Variants in CBLB observed in about 807,000 individuals in gnomAD.
CBLB encodes E3 ubiquitin-protein ligase CBL-B.
Under a neutral mutation model 104.9 loss-of-function variants are expected in CBLB, and 31 were observed. The ratio of observed to expected loss-of-function variants is 0.30; its 90% confidence interval spans 0.22 to 0.40. The LOEUF (loss-of-function observed/expected upper bound fraction) is 0.40. Among genes scored for constraint, CBLB ranks in the 10% least tolerant of loss-of-function variants. The pLI is 1.00. For missense variants in CBLB, 1,062 were observed against 1,214.6 expected, an observed-to-expected ratio of 0.87 and a Z score of 1.87; for synonymous variants, 440 against 422.6, an observed-to-expected ratio of 1.04 and a Z score of -0.51.
At chr3:105,737,306 T>C in intron 7 of CBLB, 48 bp from the exon 8 acceptor site, 1 of 941,030 alleles carries the variant, frequency 1.1e-6, no homozygotes, top group Non-Finnish European at 1.7e-6. Context: ...AAGTTTTAAT[T>C]GCATTTAAGG....
rs2063281339 is a variant in CBLB at position 105,655,527 on chromosome 3, A to G, written c.*3443T>C. ...ATAAAGTACTTGAGGTTACATAATA[A>G]CCAGAATTGAAAAGGAATGAATAAA... On this transcript the variant is annotated 3_prime_UTR_variant, in exon 19 of 19. Coordinates refer to ENST00000394030, the MANE Select transcript of CBLB (RefSeq NM_170662.5). 1 of 177,172 alleles carries G rather than the reference A, an allele frequency of 5.6e-6. No individual in the cohort carries two copies. Among genetic ancestry groups the G allele is most frequent in the South Asian group, 2.0e-4 (1 of 5,054 alleles). The allele number at this position is 177,172 out of a possible 1,614,324, so 11.0% of individuals were successfully genotyped here.
At chr3:105,663,192 A>C (rs9835252) in intron 18 of CBLB, among the ~76,000 whole-genome samples, 144,179 of 144,722 alleles carry the variant, frequency 1, 71,822 homozygotes, top group South Asian at 1. Flanking sequence ...TATTTGAGAC[A>C]GTCATTACAA....
intron 11 of CBLB, 108 bp downstream of exon 11, chr3:105,703,880 T>C (rs1469113392): frequency 4.1e-6 from 4 of 968,730 alleles, no homozygotes; most frequent in South Asian, 1.5e-5. Flanking sequence ...ATCAAACTTA[T>C]TCACAATTAA....
chr3:105,703,663 A>G lies in CBLB; in HGVS notation c.1593+325T>C, dbSNP rs2069606068. Among the ~76,000 whole-genome samples, 4 of 152,336 alleles carry G rather than the reference A, an allele frequency of 2.6e-5. No homozygotes were observed. In the South Asian group the frequency reaches 8.3e-4, roughly 32 times the overall value. ...GGCACTATAAAAATGAGCGTAAAAT[A>G]TCATTTGATAACAGCATGCAAATTA... On this transcript the variant is annotated intron_variant, in intron 11 of 18. Transcript: ENST00000394030.
chr3:105,792,008 T>G (rs2081703680), intron 3 of CBLB, among the ~76,000 whole-genome samples: 1 of 152,212 alleles, frequency 6.6e-6, no homozygotes, highest in Non-Finnish European at 1.5e-5. Context: ...GAATTTTATT[T>G]AAATAAGTGT....
chr3:105,838,140 C>T (rs2088878886), intron 3 of CBLB, among the ~76,000 whole-genome samples: 1 of 145,368 alleles, frequency 6.9e-6, no homozygotes, highest in African/African-American at 2.6e-5. Flanking sequence ...TGGAGTGCAG[C>T]GCCATGACCT....
intron 3 of CBLB, among the ~76,000 whole-genome samples, chr3:105,841,295 C>CA (rs370002853): frequency 0.69 from 85,960 of 123,738 alleles, 29,273 homozygotes; most frequent in Middle Eastern, 0.81. Flanking sequence ...GACTTCATTT[C>CA]AAAAAAAAAA....
At chr3:105,760,180 T>A (rs949857315) in intron 4 of CBLB, among the ~76,000 whole-genome samples, 2 of 152,202 alleles carry the variant, frequency 1.3e-5, no homozygotes, top group African/African-American at 2.4e-5. Context: ...AAACAATAAA[T>A]TTGCTATAGT....
At chr3:105,720,767 G>A (rs1047049592) in intron 9 of CBLB, among the ~76,000 whole-genome samples, 5 of 152,092 alleles carry the variant, frequency 3.3e-5, no homozygotes, top group African/African-American at 1.2e-4. Context: ...TACACAATTA[G>A]GAAAAATTAA....
rs550506775 is a variant in CBLB, at chr3:105,752,148, G to A, written c.567-530C>T. Among the ~76,000 whole-genome samples, 5 of 152,168 alleles carry A rather than the reference G, an allele frequency of 3.3e-5. No homozygotes were observed. The East Asian group carries it at 7.7e-4, about 23-fold the overall frequency. ...TTTTCTGCAGAGATGAAAAACATAC[G>A]TTATCTAACTTTTCATATTAATACA... is the stretch of plus-strand genomic sequence containing the variant. On this transcript the variant is annotated intron_variant, in intron 4 of 18. Coordinates refer to ENST00000394030, the MANE Select transcript of CBLB (RefSeq NM_170662.5).
At chr3:105,758,041 C>T (rs1290017555) in intron 4 of CBLB, among the ~76,000 whole-genome samples, 4 of 152,186 alleles carry the variant, frequency 2.6e-5, no homozygotes, top group South Asian at 2.1e-4. Flanking sequence ...AATATTAGCG[C>T]TGTGATTCCT....
chr3:105,737,657 T>C (rs1271522274), intron 7 of CBLB, among the ~76,000 whole-genome samples: 2 of 152,272 alleles, frequency 1.3e-5, no homozygotes, highest in African/African-American at 2.4e-5. Context: ...TTTTACACCA[T>C]GCCTAATACC....
intron 3 of CBLB, among the ~76,000 whole-genome samples, chr3:105,780,660 G>GTTTTTTTTT (rs58640968): frequency 0.052 from 4,861 of 93,692 alleles, 40 homozygotes; most frequent in Non-Finnish European, 0.065. Flanking sequence ...TTTGTTTTTT[G>GTTTTTTTTT]TTTTTTTTTT....
intron 14 of CBLB, among the ~76,000 whole-genome samples, chr3:105,683,145 C>T (rs2301048): frequency 0.074 from 11,212 of 152,228 alleles, 572 homozygotes; most frequent in East Asian, 0.28. Flanking sequence ...AAATAGTTAT[C>T]ATGTATTGAA....
intron 10 of CBLB, among the ~76,000 whole-genome samples, chr3:105,718,349 G>C (rs902776635): frequency 1.3e-5 from 2 of 152,086 alleles, no homozygotes; most frequent in Non-Finnish European, 2.9e-5. Flanking sequence ...TTTGAGAGTA[G>C]CCATGTTGGT....
At chr3:105,840,989 T>C (rs184902191) in intron 3 of CBLB, among the ~76,000 whole-genome samples, 3 of 152,224 alleles carry the variant, frequency 2.0e-5, no homozygotes, top group Admixed American at 2.0e-4. Context: ...TTTTCTAATA[T>C]GCAAACAAGA....
chr3:105,754,934 CTGT>C (rs1369183055), intron 4 of CBLB, among the ~76,000 whole-genome samples: 1 of 151,738 alleles, frequency 6.6e-6, no homozygotes, highest in African/African-American at 2.4e-5. Context: ...TGTTATAATC[CTGT>C]TATTAGATAA....
chr3:105,658,780 A>C lies in CBLB; in HGVS notation c.*190T>G. 2 of 611,920 alleles carry C rather than the reference A, an allele frequency of 3.3e-6. No homozygotes were observed. The highest frequency in any genetic ancestry group is 2.9e-6 in the Non-Finnish European group (1 of 350,748). The allele number at this position is 611,920 out of a possible 1,614,324, so 37.9% of individuals were successfully genotyped here. On this transcript the variant is annotated 3_prime_UTR_variant, in exon 19 of 19. Transcript: ENST00000394030. ...TTTAAAAATATGGCTAGCAAAAACA[A>C]GGAAGCCACAGCTGTCGACATCCTG...
Position 105,659,155 on chromosome 3 carries a change from G to C in CBLB, c.2764C>G (p.Pro922Ala), listed in dbSNP as rs1439595312. The change falls in exon 19 of 19, where the codon CCC (proline) becomes GCC (alanine). Residue 922 changes from proline (P) to alanine (A), a missense_variant. Pro to Ala is a conservative substitution (Grantham distance 27). Around this residue, in one of 2 missense-constraint regions of CBLB, gnomAD observed 605 missense variants for 582.6 expected, o/e 1.04. Transcript: ENST00000394030. ...TCCAATGCCGCCTCAGGCCCATGGG[G>C]TTTTCTGTGGTGAATTTCTGGTGCA... ...RTAPEIHHRK[P>A]HGPEAALENV... The C allele has an allele frequency of 1.6e-5, 26 of 1,613,870 alleles. No individual in the cohort carries two copies. Among genetic ancestry groups the C allele is most frequent in the Non-Finnish European group, 1.3e-5 (15 of 1,179,932 alleles).
Sources: allele counts gnomAD v4.1 joint callset (sites outside exome capture counted in the v4.1 genomes callset), GRCh38; gene constraint gnomAD v4.1.1; regional missense constraint gnomAD v4.1.1; transcripts MANE v1.5; gene names NCBI Gene and HGNC (gene_info 2026-07-23, HGNC 2026-07-21).